The following NCLN variants were observed in gnomAD, a reference collection of about 807,000 sequenced individuals.
NCLN encodes the protein BOS complex subunit NCLN.
Under a neutral mutation model 69.5 loss-of-function variants are expected in NCLN, and 34 were observed. The observed-to-expected ratio is 0.49, with a 90% CI of 0.37 to 0.65. The LOEUF is 0.65. Ranked by LOEUF, NCLN falls within the 30% of genes least tolerant of loss-of-function variation. NCLN has a pLI of 0.00. For synonymous variants in NCLN, 393 were observed against 358.3 expected (o/e 1.10, Z -1.09); for missense variants, 710 against 804.8 (o/e 0.88, Z 1.42).
In NCLN at chr19:3,207,705, G is replaced by T. The variant is rs1381045259; in HGVS notation, c.*17G>T. The T allele has an allele frequency of 1.2e-6, 2 of 1,604,868 alleles. No homozygotes were observed. The highest frequency in any genetic ancestry group is 8.5e-7 in the Non-Finnish European group (1 of 1,173,136). ...ACACAGTGACACAGCCACCCCCACA[G>T]CCGGAGCCCCCGCCGCTCCACAGTC... is the stretch of plus-strand genomic sequence containing the variant. On this transcript the variant is annotated 3_prime_UTR_variant, in exon 15 of 15. Coordinates refer to ENST00000246117, the MANE Select transcript of NCLN (RefSeq NM_020170.4).
chr19:3,187,729 G>A (rs182641773), intron 1 of NCLN, among the ~76,000 whole-genome samples: 9 of 152,288 alleles, frequency 5.9e-5, no homozygotes, highest in Non-Finnish European at 1.2e-4. Flanking sequence ...CCCAGAGAAC[G>A]ATCCGGCCCT....
At chr19:3,194,363 A>G (rs963798772) in intron 3 of NCLN, among the ~76,000 whole-genome samples, 2 of 152,206 alleles carry the variant, frequency 1.3e-5, no homozygotes, top group Non-Finnish European at 2.9e-5. Flanking sequence ...AGCCTGGGCA[A>G]CAAGAGCAAA....
chr19:3,186,193 G>C lies in NCLN; in HGVS notation c.163G>C (p.Asp55His), dbSNP rs756900400. The C allele has an allele frequency of 6.4e-7, 1 of 1,570,526 alleles. No homozygotes were observed. Among genetic ancestry groups the C allele is most frequent in the South Asian group, 1.2e-5 (1 of 86,632 alleles). ...CACCGTGTACCGCATGCAGCAGTAC[G>C]ACCTGCAGGGCCAGCCCTACGGTGC... is the stretch of plus-strand genomic sequence containing the variant. ...EFTVYRMQQYDLQGQPYGTRN... is the reference protein window; with the variant it reads ...EFTVYRMQQYHLQGQPYGTRN... Residue 55 changes from aspartate to histidine, a missense_variant, in exon 1 of 15, where the codon GAC (aspartate) becomes CAC (histidine). Coordinates refer to ENST00000246117, the MANE Select transcript of NCLN (RefSeq NM_020170.4).
At position 3,204,078 on chromosome 19, in the gene NCLN, C is replaced by T; in HGVS notation, c.963C>T (p.His321=). Residue 321 remains histidine (H), a synonymous_variant, in exon 8 of 15, where the codon CAC becomes CAT. Transcript: ENST00000246117. The part of the protein sequence containing the change: ...LDTVGRGSSL[H]LHVSKPPREG... ...CCGTGGGCCGGGGCAGCAGCCTGCA[C>T]CTGCACGTGTCCAAGCCGCCTCGGG... is the stretch of plus-strand genomic sequence containing the variant. The T allele has an allele frequency of 6.4e-7, 1 of 1,553,100 alleles. No homozygotes were observed. Among genetic ancestry groups the T allele is most frequent in the Non-Finnish European group, 8.7e-7 (1 of 1,151,138 alleles).
rs570882624 is a variant in NCLN, at chr19:3,196,195, C to T, written c.533C>T (p.Thr178Met). 4.6e-5 allele frequency: 71 copies of T among 1,552,944 alleles called. No individual in the cohort carries two copies. Among genetic ancestry groups the T allele is most frequent in the Admixed American group, 5.8e-5 (3 of 51,344 alleles). The change falls in exon 4 of 15, where the codon ACG becomes ATG. Residue 178 changes from threonine (T) to methionine (M), a missense_variant. Thr to Met is a moderately conservative substitution (Grantham distance 81). Coordinates refer to ENST00000246117, the MANE Select transcript of NCLN (RefSeq NM_020170.4). ...TCCCTCTCCCTAGTACTGCTGCGCA[C>T]GGCCACTGCCAACGGCTTCCAGATG... ...SASAAEVLLR[T>M]ATANGFQMVT...
chr19:3,203,269 T>C (rs1385225823), intron 6 of NCLN, among the ~76,000 whole-genome samples: 3 of 151,764 alleles, frequency 2.0e-5, no homozygotes, highest in African/African-American at 7.3e-5. Context: ...GACTGCACCA[T>C]TGCACTCCAG....
chr19:3,190,737 C>T (rs572173712), intron 1 of NCLN, among the ~76,000 whole-genome samples: 6 of 148,708 alleles, frequency 4.0e-5, no homozygotes, highest in South Asian at 2.1e-4. Flanking sequence ...GGCCCGCCCC[C>T]GGCCCCCCTG....
intron 3 of NCLN, 82 bp downstream of exon 3, chr19:3,193,510 G>A (rs1915884752): frequency 1.4e-6 from 2 of 1,443,888 alleles, no homozygotes; most frequent in Non-Finnish European, 1.8e-6. Flanking sequence ...GGTCACCCTG[G>A]GCTGTTTCTG....
At position 3,209,573 on chromosome 19, in the gene NCLN, C is replaced by T. The variant is rs1485340245; in HGVS notation, c.*1885C>T. The T allele has an allele frequency of 6.6e-6, 1 of 152,286 alleles. No individual in the cohort carries two copies. The highest frequency in any genetic ancestry group is 1.5e-5 in the Non-Finnish European group (1 of 68,098). 9.4% of individuals were successfully genotyped at this position (152,286 alleles called of 1,614,324 possible). On this transcript the variant is annotated 3_prime_UTR_variant, in exon 15 of 15. Coordinates refer to ENST00000246117, the MANE Select transcript of NCLN (RefSeq NM_020170.4). ...AAAATAAAGCCATATTGAATGATCG[C>T]CACCAGTGTTTGGTCTGGGGGCTGT...
chr19:3,193,221 C>T, intron 2 of NCLN, 63 bp from the exon 3 acceptor site: 3 of 1,504,832 alleles, frequency 2.0e-6, no homozygotes, highest in East Asian at 2.3e-5. Flanking sequence ...AGTCACTGGG[C>T]CCCCTGCTAC....
rs537056210 is a variant in NCLN, at chr19:3,205,305, G to A, written c.1208+554G>A. ...GTCCTGGCACCAGCAGGTGGGCGCC[G>A]TCTCCTCCCCCAGCGCCCGCAGTCC... On this transcript the variant is annotated intron_variant, in intron 9 of 14. Coordinates refer to ENST00000246117, the MANE Select transcript of NCLN (RefSeq NM_020170.4). This position sits in a 1 kb window ranked among gnomAD's most constrained non-coding sequence, Gnocchi z 4.6. Among the ~76,000 whole-genome samples, 11 of 152,264 alleles carry A rather than the reference G, an allele frequency of 7.2e-5. No homozygotes were observed. The highest frequency in any genetic ancestry group is 3.9e-4 in the East Asian group (2 of 5,172).
intron 9 of NCLN, 59 bp downstream of exon 9, chr19:3,204,810 G>A (rs1036769905): frequency 5.1e-6 from 7 of 1,374,708 alleles, no homozygotes; most frequent in Admixed American, 3.4e-5. Context: ...CTGAGCCACT[G>A]GTCGCAACTG....
At chr19:3,203,495 G>A (rs1916178774) in intron 6 of NCLN, among the ~76,000 whole-genome samples, 1 of 152,132 alleles carries the variant, frequency 6.6e-6, no homozygotes, top group South Asian at 2.1e-4. Flanking sequence ...TTGTCATTGG[G>A]GGAAGCTCCC....
At chr19:3,204,437 G>T in intron 8 of NCLN, 136 bp from the exon 9 acceptor site, 1 of 1,017,856 alleles carries the variant, frequency 9.8e-7, no homozygotes, top group Non-Finnish European at 1.4e-6. Flanking sequence ...AGGCCTTAGG[G>T]GGACCCCGGG....
Position 3,204,034 on chromosome 19 carries a change from T to C in NCLN, c.919T>C (p.Phe307Leu). Residue 307 changes from phenylalanine to leucine, a missense_variant, in exon 8 of 15, where the codon TTC becomes CTC. Transcript: ENST00000246117. ...DSSLLQDNVAFVLCLDTVGRG... is the reference protein window; with the variant it reads ...DSSLLQDNVALVLCLDTVGRG... ...CAGCCTGCTTCAGGACAATGTGGCCTTCGTGCTGTGCCTGGACACCGTGGG... is the reference window on the plus strand; with the variant it reads ...CAGCCTGCTTCAGGACAATGTGGCCCTCGTGCTGTGCCTGGACACCGTGGG... The C allele has an allele frequency of 6.4e-7, 1 of 1,574,330 alleles. No individual in the cohort carries two copies. The highest frequency in any genetic ancestry group is 8.6e-7 in the Non-Finnish European group (1 of 1,159,906).
chr19:3,190,749 G>A (rs999927182), intron 1 of NCLN, among the ~76,000 whole-genome samples: 13 of 148,574 alleles, frequency 8.7e-5, no homozygotes, highest in South Asian at 2.1e-4. Context: ...GCCCCCCTGC[G>A]TCAGGCCTGT....
At chr19:3,198,086 T>C (rs574480892) in intron 4 of NCLN, among the ~76,000 whole-genome samples, 3 of 152,340 alleles carry the variant, frequency 2.0e-5, no homozygotes, top group Non-Finnish European at 4.4e-5. Flanking sequence ...AATCCGACTT[T>C]GGTGGGGTAA....
chr19:3,200,431 C>T (rs1252251657), intron 5 of NCLN, among the ~76,000 whole-genome samples: 1 of 151,050 alleles, frequency 6.6e-6, no homozygotes, highest in African/African-American at 2.4e-5. Flanking sequence ...CTGCCTCAAC[C>T]TCCGGAGTAG....
intron 5 of NCLN, among the ~76,000 whole-genome samples, chr19:3,201,080 GTC>G (rs1324101437): frequency 1.3e-5 from 2 of 152,200 alleles, no homozygotes; most frequent in African/African-American, 4.8e-5. Context: ...GGCTGTGCAG[GTC>G]TCTCCACAGC....
Sources: allele counts gnomAD v4.1 joint callset (sites outside exome capture counted in the v4.1 genomes callset), GRCh38; gene constraint gnomAD v4.1.1; non-coding constraint Gnocchi (gnomAD v3.1); transcripts MANE v1.5; gene names NCBI Gene and HGNC (gene_info 2026-07-23, HGNC 2026-07-21).